CHD5: variants seen among roughly 807,000 people sequenced by gnomAD.
CHD5 encodes the protein ATP-dependent chromatin remodeler CHD5.
CHD5 carries 69 observed loss-of-function variants against 230.3 expected under a neutral mutation model. The ratio of observed to expected loss-of-function variants is 0.30; its 90% CI spans 0.25 to 0.37. The LOEUF is 0.37. CHD5 is among the 10% of genes least tolerant of loss of function. The pLI is 1.00. For missense variants in CHD5, 1,827 were observed against 2,622.8 expected, an observed-to-expected ratio of 0.70 and a Z score of 6.63; for synonymous variants, 1,064 against 1,065.9, an observed-to-expected ratio of 1.00 and a Z score of 0.03.
rs1666167885 is a variant in CHD5, at chr1:6,106,424, T to C, written c.5828A>G (p.Asn1943Ser). The change falls in exon 40 of 42, where the codon AAC becomes AGC. Residue 1943 changes from asparagine (N) to serine (S), a missense_variant. By Grantham distance (46) the Asn-to-Ser change is conservative. Coordinates refer to ENST00000262450, the MANE Select transcript of CHD5 (RefSeq NM_015557.3). ...GPGPGGIVNY[N>S]QMPLGPYVTD... The stretch of plus-strand genomic sequence containing the variant: ...CACATAGGGCCCCAGGGGCATCTGG[T>C]TGTAGTTGACAATCCCTCCCGGTCC... The C allele has an allele frequency of 6.3e-7, 1 of 1,586,372 alleles. No individual in the cohort carries two copies. Among genetic ancestry groups the C allele is most frequent in the Non-Finnish European group, 8.6e-7 (1 of 1,166,974 alleles).
chr1:6,126,485 G>T lies in CHD5; in HGVS notation c.4078+87C>A. 2 of 809,998 alleles carry T rather than the reference G, an allele frequency of 2.5e-6. No homozygotes were observed. The highest frequency in any genetic ancestry group is 4.2e-6 in the Non-Finnish European group (2 of 471,116). The allele number at this position is 809,998 out of a possible 1,614,324, so 50.2% of individuals were successfully genotyped here. A position where few individuals can be genotyped will look rare whatever the true frequency, so the allele number is the denominator to read the frequency against. ...GCTCTCCCGGCCCGCACCTCCCGGGGGTTCTGCACAGGGATGCCCTGACAG... is the reference window on the plus strand; with the variant it reads ...GCTCTCCCGGCCCGCACCTCCCGGGTGTTCTGCACAGGGATGCCCTGACAG... On this transcript the variant is annotated intron_variant, in intron 26 of 41. Transcript: ENST00000262450. This position sits in a 1 kb window ranked among gnomAD's most constrained non-coding sequence, Gnocchi z 5.7.
rs560894269 is a variant in CHD5, at chr1:6,142,644, T to C, written c.2044-39A>G. 4 of 1,575,220 alleles carry C rather than the reference T, an allele frequency of 2.5e-6. No individual in the cohort carries two copies. The East Asian group carries it at 6.8e-5, about 27-fold the overall frequency. ...AGCGGTTCAGACACGCCCCAGATCC[T>C]GGGCCACCAGAGTCCACACTACAGG... On this transcript the variant is annotated intron_variant, in intron 13 of 41. Coordinates refer to ENST00000262450, the MANE Select transcript of CHD5 (RefSeq NM_015557.3). This position sits in a 1 kb window ranked among gnomAD's most constrained non-coding sequence, Gnocchi z 5.2.
rs1277110443 is a variant in CHD5 at position 6,130,156 on chromosome 1, C to T, written c.3387+48G>A. 5 of 1,608,156 alleles carry T rather than the reference C, an allele frequency of 3.1e-6. No homozygotes were observed. The highest frequency in any genetic ancestry group is 4.3e-6 in the Non-Finnish European group (5 of 1,176,002). On this transcript the variant is annotated intron_variant, in intron 22 of 41. Coordinates refer to ENST00000262450, the MANE Select transcript of CHD5 (RefSeq NM_015557.3). This position sits in a 1 kb window ranked among gnomAD's most constrained non-coding sequence, Gnocchi z 4.9. ...TGAAGGACAGAACCTGCCTGAGGCCCGGGATGAGAGGCCCCCTGGGAGGGT... is the reference window on the plus strand; with the variant it reads ...TGAAGGACAGAACCTGCCTGAGGCCTGGGATGAGAGGCCCCCTGGGAGGGT...
chr1:6,169,141 G>A (rs1667298070), intron 1 of CHD5, among the ~76,000 whole-genome samples: 1 of 152,168 alleles, frequency 6.6e-6, no homozygotes, highest in Non-Finnish European at 1.5e-5. Context: ...TACCCCATGG[G>A]TTTGAGAGGA....
chr1:6,140,219 G>A (rs1180845250), intron 15 of CHD5, among the ~76,000 whole-genome samples: 1 of 152,124 alleles, frequency 6.6e-6, no homozygotes, highest in African/African-American at 2.4e-5. Context: ...TGGCCAACAT[G>A]TGAAACCCAG....
chr1:6,124,663 TGGGGTGGGGGGGGGGGACTGGGGCTCAG>T lies in CHD5; in HGVS notation c.4395-30_4395-3del. 6 of 58,468 alleles carry T rather than the reference TGGGGTGGGGGGGGGGGACTGGGGCTCAG, an allele frequency of 1.0e-4. No individual in the cohort carries two copies. The highest frequency in any genetic ancestry group is 2.0e-4 in the South Asian group (1 of 4,904). The allele number at this position is 58,468 out of a possible 1,614,324, so 3.6% of individuals were successfully genotyped here. A position where few individuals can be genotyped will look rare whatever the true frequency, so the allele number is the denominator to read the frequency against. On this transcript the variant is annotated splice_region_variant and splice_polypyrimidine_tract_variant and intron_variant, in intron 29 of 41. Coordinates refer to ENST00000262450, the MANE Select transcript of CHD5 (RefSeq NM_015557.3). ...CGCATGAAGAGGGACACATAGGCTC[TGGGGTGGGGGGGGGGGACTGGGGCTCAG>T]GGAGTGGGGGGCCGGCAAGAACCCT...
In CHD5 at chr1:6,126,644, C is replaced by T; in HGVS notation, c.4006G>A (p.Ala1336Thr). The change falls in exon 26 of 42, where the codon GCC becomes ACC. Residue 1336 changes from alanine to threonine, a missense_variant. Ala to Thr is a moderately conservative substitution (Grantham distance 58). Around this residue, in one of 14 missense-constraint regions of CHD5, gnomAD observed 137 missense variants for 272.7 expected, o/e 0.50. Transcript: ENST00000262450. This position sits in a 1 kb window ranked among gnomAD's most constrained non-coding sequence, Gnocchi z 5.7. Reference protein sequence around the residue: ...HHYEQQQEDLARNLGKGKRIR... With the variant: ...HHYEQQQEDLTRNLGKGKRIR... ...CGCTTGCCCTTGCCCAGGTTGCGGG[C>T]CAGGTCCTCCTGCTGCTGCTCATAG... 6.2e-7 allele frequency: 1 copy of T among 1,613,998 alleles called. No individual in the cohort carries two copies. Among genetic ancestry groups the T allele is most frequent in the Non-Finnish European group, 8.5e-7 (1 of 1,180,022 alleles).
intron 2 of CHD5, among the ~76,000 whole-genome samples, chr1:6,165,136 C>A (rs1667231970): frequency 6.6e-6 from 1 of 152,174 alleles, no homozygotes; most frequent in Non-Finnish European, 1.5e-5. Flanking sequence ...GTGATCATGG[C>A]CCTGGGAATG....
chr1:6,177,612 A>T (rs1229606852), intron 1 of CHD5, among the ~76,000 whole-genome samples: 1 of 152,150 alleles, frequency 6.6e-6, no homozygotes, highest in African/African-American at 2.4e-5. Context: ...CTTGGGCAAC[A>T]CAGCAAGACC....
chr1:6,134,366 G>A lies in CHD5; in HGVS notation c.3013-107C>T. On this transcript the variant is annotated intron_variant, in intron 19 of 41. Coordinates refer to ENST00000262450, the MANE Select transcript of CHD5 (RefSeq NM_015557.3). This position sits in a 1 kb window ranked among gnomAD's most constrained non-coding sequence, Gnocchi z 6.3. ...ACAAGTGCTGAGCAATGGGGTGATG[G>A]CCTGTCTGCCCACTGAACATGAGAC... 7.5e-7 allele frequency: 1 copy of A among 1,330,678 alleles called. No individual in the cohort carries two copies. The highest frequency in any genetic ancestry group is 2.3e-4 in the Middle Eastern group (1 of 4,354). The allele number at this position is 1,330,678 out of a possible 1,614,324, so 82.4% of individuals were successfully genotyped here. A position where few individuals can be genotyped will look rare whatever the true frequency, so the allele number is the denominator to read the frequency against.
chr1:6,176,151 C>A (rs919209559), intron 1 of CHD5, among the ~76,000 whole-genome samples: 1 of 152,178 alleles, frequency 6.6e-6, no homozygotes, highest in South Asian at 2.1e-4. Flanking sequence ...TCCCTCCTCC[C>A]AGAAAAGAAT....
chr1:6,179,567 G>T (rs951179270), intron 1 of CHD5, among the ~76,000 whole-genome samples: 15 of 151,324 alleles, frequency 9.9e-5, no homozygotes, highest in African/African-American at 3.6e-4. Context: ...CGGGACGCGA[G>T]CGCGGGGTGC....
At chr1:6,143,702 G>T in intron 13 of CHD5, 121 bp downstream of exon 13, 1 of 857,774 alleles carries the variant, frequency 1.2e-6, no homozygotes, top group South Asian at 1.6e-5. Flanking sequence ...GACACTGTCT[G>T]CATAAGCCAT....
rs1159186065 is a variant in CHD5, at chr1:6,106,421, T to C, written c.5831A>G (p.Gln1944Arg). Reference protein sequence around the residue: ...PGPGGIVNYNQMPLGPYVTDI With the variant: ...PGPGGIVNYNRMPLGPYVTDI ...GGTCACATAGGGCCCCAGGGGCATC[T>C]GGTTGTAGTTGACAATCCCTCCCGG... The change falls in exon 40 of 42, where the codon CAG (glutamine) becomes CGG (arginine). Residue 1944 changes from glutamine to arginine, a missense_variant. Physicochemically the swap from Gln to Arg is conservative, Grantham distance 43. Around this residue, in one of 14 missense-constraint regions of CHD5, gnomAD observed 208 missense variants for 302.0 expected, o/e 0.69. Coordinates refer to ENST00000262450, the MANE Select transcript of CHD5 (RefSeq NM_015557.3). The C allele has an allele frequency of 3.2e-6, 5 of 1,586,608 alleles. No individual in the cohort carries two copies. Among genetic ancestry groups the C allele is most frequent in the Non-Finnish European group, 4.3e-6 (5 of 1,167,040 alleles).
intron 7 of CHD5, among the ~76,000 whole-genome samples, chr1:6,150,479 CGG>C (rs1557554898): frequency 1.7e-4 from 15 of 88,252 alleles, no homozygotes; most frequent in African/African-American, 7.2e-4. Context: ...GACGGACGGA[CGG>C]ACGGATGGAC....
At chr1:6,168,935 C>T (rs1379234311) in intron 1 of CHD5, among the ~76,000 whole-genome samples, 3 of 151,828 alleles carry the variant, frequency 2.0e-5, no homozygotes, top group African/African-American at 7.3e-5. Context: ...TGGAGAATCG[C>T]TCAAACCCAG....
intron 15 of CHD5, among the ~76,000 whole-genome samples, chr1:6,139,538 ATT>A (rs34914652): frequency 1.1e-4 from 15 of 139,104 alleles, no homozygotes; most frequent in Non-Finnish European, 9.4e-5. Flanking sequence ...TGCCCGGCTG[ATT>A]TTTTTTTTTT....
At chr1:6,140,825 A>T (rs2311389) in intron 15 of CHD5, among the ~76,000 whole-genome samples, 1 of 151,994 alleles carries the variant, frequency 6.6e-6, no homozygotes, top group Non-Finnish European at 1.5e-5. Flanking sequence ...CATACGGAGA[A>T]TCCATCTCTA....
At position 6,130,433 on chromosome 1, in the gene CHD5, C is replaced by T. The variant is rs186843091; in HGVS notation, c.3263-105G>A. On this transcript the variant is annotated intron_variant, in intron 21 of 41. Transcript: ENST00000262450. This position sits in a 1 kb window ranked among gnomAD's most constrained non-coding sequence, Gnocchi z 4.9. ...AGAGAAGGAACTGCAGCAACAGATC[C>T]CTGGCAGAGAAGGACAAAGCCGGAG... 9.3e-6 allele frequency: 10 copies of T among 1,077,102 alleles called. No homozygotes were observed. The highest frequency in any genetic ancestry group is 7.8e-5 in the African/African-American group (5 of 64,146). The allele number at this position is 1,077,102 out of a possible 1,614,324, so 66.7% of individuals were successfully genotyped here. A position where few individuals can be genotyped will look rare whatever the true frequency, so the allele number is the denominator to read the frequency against.
Sources: allele counts gnomAD v4.1 joint callset (sites outside exome capture counted in the v4.1 genomes callset), GRCh38; gene constraint gnomAD v4.1.1; regional missense constraint gnomAD v4.1.1; non-coding constraint Gnocchi (gnomAD v3.1); transcripts MANE v1.5; gene names NCBI Gene and HGNC (gene_info 2026-07-23, HGNC 2026-07-21).